ZNF407: variants seen among roughly 807,000 people sequenced by gnomAD.
ZNF407 encodes zinc finger protein 407.
Under a neutral mutation model 131.2 loss-of-function variants are expected in ZNF407, and 17 were observed. The observed-to-expected ratio is 0.13, with a 90% CI of 0.09 to 0.19. The LOEUF is 0.19. Ranked by LOEUF, ZNF407 falls within the 10% of genes least tolerant of loss-of-function variation. The pLI is 1.00. For synonymous variants in ZNF407, 1,156 were observed against 1,062.0 expected, an observed-to-expected ratio of 1.09 and a Z score of -1.72; for missense variants, 2,681 against 2,830.6, an observed-to-expected ratio of 0.95 and a Z score of 1.20.
At chr18:74,808,082 C>T (rs1264856603) in intron 4 of ZNF407, among the ~76,000 whole-genome samples, 4 of 151,920 alleles carry the variant, frequency 2.6e-5, no homozygotes, top group Non-Finnish European at 5.9e-5. Context: ...GGCGCGATCT[C>T]GGCACACCGC....
At chr18:74,788,000 C>T (rs1253288471) in intron 4 of ZNF407, among the ~76,000 whole-genome samples, 4 of 152,148 alleles carry the variant, frequency 2.6e-5, no homozygotes, top group African/African-American at 4.8e-5. Context: ...TCTAACACTT[C>T]GTTAGCCTTT....
At chr18:75,043,972 T>C (rs1416536392) in intron 8 of ZNF407, among the ~76,000 whole-genome samples, 2 of 152,212 alleles carry the variant, frequency 1.3e-5, no homozygotes, top group Non-Finnish European at 2.9e-5. Flanking sequence ...TGCTGAGCAA[T>C]TATGAATTAT....
intron 8 of ZNF407, among the ~76,000 whole-genome samples, chr18:74,945,183 A>G (rs765102440): frequency 1.6e-4 from 25 of 152,288 alleles, no homozygotes; most frequent in Non-Finnish European, 2.4e-4. Flanking sequence ...GTAAGTGTGA[A>G]TCAAAACTAA....
At chr18:74,698,931 C>T (rs1967425991) in intron 3 of ZNF407, among the ~76,000 whole-genome samples, 1 of 152,112 alleles carries the variant, frequency 6.6e-6, no homozygotes, top group Non-Finnish European at 1.5e-5. Flanking sequence ...TTGGCCATTT[C>T]CATAGTATAA....
intron 3 of ZNF407, among the ~76,000 whole-genome samples, chr18:74,728,837 G>C (rs1438396369): frequency 3.3e-5 from 5 of 152,198 alleles, no homozygotes; most frequent in African/African-American, 9.7e-5. Context: ...AACAGGAAAG[G>C]CTTGAAGTTG....
intron 3 of ZNF407, among the ~76,000 whole-genome samples, chr18:74,745,066 G>A (rs1968636306): frequency 3.9e-5 from 6 of 152,096 alleles, no homozygotes; most frequent in Admixed American, 3.9e-4. Context: ...ACGTATCGTA[G>A]TGCATTCAGA....
chr18:74,729,492 T>G (rs751834108), intron 3 of ZNF407, among the ~76,000 whole-genome samples: 4 of 149,712 alleles, frequency 2.7e-5, no homozygotes, highest in Non-Finnish European at 4.4e-5. Flanking sequence ...AAGTGTGGTT[T>G]GTGTGTGTGT....
chr18:74,821,105 A>G (rs972663653), intron 4 of ZNF407, among the ~76,000 whole-genome samples: 14 of 152,024 alleles, frequency 9.2e-5, no homozygotes, highest in African/African-American at 2.9e-4. Flanking sequence ...CAGAATGGAA[A>G]GAAAGTTTAG....
chr18:75,004,886 G>C (rs147833780), intron 8 of ZNF407, among the ~76,000 whole-genome samples: 1 of 152,162 alleles, frequency 6.6e-6, no homozygotes, highest in Non-Finnish European at 1.5e-5. Context: ...ACCGCACTTA[G>C]AGATGGCTTC....
intron 4 of ZNF407, among the ~76,000 whole-genome samples, chr18:74,835,787 C>G (rs921156065): frequency 4.6e-5 from 7 of 151,856 alleles, no homozygotes; most frequent in African/African-American, 1.5e-4. Flanking sequence ...AGTGCTAGCC[C>G]CATTAGGAAA....
intron 8 of ZNF407, among the ~76,000 whole-genome samples, chr18:75,004,534 A>G (rs1972885104): frequency 6.6e-6 from 1 of 152,152 alleles, no homozygotes; most frequent in Non-Finnish European, 1.5e-5. Flanking sequence ...TTGGGTGCGC[A>G]GAGCCAGGGT....
At position 74,659,614 on chromosome 18, in the gene ZNF407, A is replaced by G. The variant is rs557136435; in HGVS notation, c.4802+18492A>G. On this transcript the variant is annotated intron_variant, in intron 3 of 8. Coordinates refer to ENST00000299687, the MANE Select transcript of ZNF407 (RefSeq NM_017757.3). ...CATTTGTGACTCTTTTAATGATTAT[A>G]TTTCTTGATAGCTTTCATAAGAAAG... Among the ~76,000 whole-genome samples the G allele has an allele frequency of 4.6e-5, 7 of 152,272 alleles. No individual in the cohort carries two copies. The South Asian group carries it at 1.4e-3, about 32-fold the overall frequency.
chr18:74,830,236 C>T (rs1224480995), intron 4 of ZNF407, among the ~76,000 whole-genome samples: 7 of 152,148 alleles, frequency 4.6e-5, no homozygotes, highest in African/African-American at 1.7e-4. Flanking sequence ...TACGGCAGCC[C>T]TAGCACACTA....
At chr18:74,616,370 T>A (rs1003037682) in intron 1 of ZNF407, among the ~76,000 whole-genome samples, 2 of 152,210 alleles carry the variant, frequency 1.3e-5, no homozygotes, top group Non-Finnish European at 2.9e-5. Context: ...GATTCTTGGA[T>A]GTCTTCATGG....
At chr18:75,019,104 GA>G (rs1311737094) in intron 8 of ZNF407, among the ~76,000 whole-genome samples, 1 of 151,994 alleles carries the variant, frequency 6.6e-6, no homozygotes, top group African/African-American at 2.4e-5. Context: ...TATCTCAAAG[GA>G]TGCCAAAAGG....
At chr18:74,757,322 C>T (rs1417506526) in intron 3 of ZNF407, among the ~76,000 whole-genome samples, 4 of 151,950 alleles carry the variant, frequency 2.6e-5, no homozygotes, top group Non-Finnish European at 4.4e-5. Context: ...GCTTCAACTA[C>T]ATCTTCTGAG....
chr18:74,651,978 C>A (rs1200938662), intron 3 of ZNF407, among the ~76,000 whole-genome samples: 1 of 152,094 alleles, frequency 6.6e-6, no homozygotes, highest in East Asian at 1.9e-4. Context: ...CCAGTGAAAT[C>A]TGTCACAGAG....
At chr18:74,863,026 T>A (rs1970959185) in intron 4 of ZNF407, among the ~76,000 whole-genome samples, 2 of 151,690 alleles carry the variant, frequency 1.3e-5, no homozygotes, top group South Asian at 4.2e-4. Context: ...GCTCAAGTGA[T>A]TCTCCTGCCT....
At position 74,914,542 on chromosome 18, in the gene ZNF407, G is replaced by A. The variant is rs532884368; in HGVS notation, c.5250-5972G>A. Among the ~76,000 whole-genome samples, 16 of 152,216 alleles carry A rather than the reference G, an allele frequency of 1.1e-4. No individual in the cohort carries two copies. In the East Asian group the frequency reaches 1.9e-3, roughly 18 times the overall value. On this transcript the variant is annotated intron_variant, in intron 7 of 8. Coordinates refer to ENST00000299687, the MANE Select transcript of ZNF407 (RefSeq NM_017757.3). Reference sequence around the variant, plus strand: ...AGGTGAAGATTTTGTGTTTATGTGCGCTTACCTTCTCTAAAGAAAAAGATA... The same window carrying A: ...AGGTGAAGATTTTGTGTTTATGTGCACTTACCTTCTCTAAAGAAAAAGATA...
Sources: gnomAD v4.1 joint callset for allele counts (sites outside exome capture counted in the v4.1 genomes callset) on GRCh38, gnomAD v4.1.1 for gene constraint, MANE v1.5 for transcripts, NCBI Gene and HGNC (gene_info 2026-07-23, HGNC 2026-07-21) for gene names.